Variants in XKR5 observed in about 807,000 individuals in gnomAD.
The protein encoded by XKR5 is XK related 5.
In XKR5, 46 loss-of-function variants were observed where a neutral mutation model predicts 40.8. The observed-to-expected ratio is 1.13, with a 90% CI of 0.89 to 1.44. The LOEUF is 1.44. Ranked by LOEUF, XKR5 falls within the 40% of genes most tolerant of loss-of-function variation. The probability of loss-of-function intolerance (pLI) is 0.00; values close to 1 mark genes in which losing one functional copy is unlikely to be tolerated. For synonymous variants in XKR5, 466 were observed against 356.1 expected (o/e 1.31, Z -3.48); for missense variants, 1,169 against 844.7 (o/e 1.38, Z -4.76).
At chr8:6,831,446 T>C (rs545835143) in intron 2 of XKR5, among the ~76,000 whole-genome samples, 205 of 152,288 alleles carry the variant, frequency 1.3e-3, no homozygotes, top group African/African-American at 4.7e-3. Flanking sequence ...GCTTGAAGTC[T>C]TTCTCAGAAG....
rs550037371 is a variant in XKR5 at position 6,821,766 on chromosome 8, G to C, written c.807+103C>G. 1.1e-5 allele frequency: 10 copies of C among 950,606 alleles called. No homozygotes were observed. The South Asian group carries it at 2.0e-4, about 19-fold the overall frequency. 58.9% of individuals were successfully genotyped at this position (950,606 alleles called of 1,614,324 possible). A position where few individuals can be genotyped will look rare whatever the true frequency, so the allele number is the denominator to read the frequency against. On this transcript the variant is annotated intron_variant, in intron 5 of 6. Coordinates refer to ENST00000618742, the MANE Select transcript of XKR5 (RefSeq NM_207411.5). Reference sequence around the variant, plus strand: ...TAAGCTATTCCTTTTCAATAGATAGGTGTGCATTGGTGCACACACACACAC... The same window carrying C: ...TAAGCTATTCCTTTTCAATAGATAGCTGTGCATTGGTGCACACACACACAC...
intron 5 of XKR5, among the ~76,000 whole-genome samples, chr8:6,816,303 T>C (rs1227815268): frequency 6.6e-6 from 1 of 152,196 alleles, no homozygotes; most frequent in Non-Finnish European, 1.5e-5. Context: ...AAATGAAAGA[T>C]AGCTGCAGAG....
chr8:6,814,400 T>C (rs2117080893), intron 6 of XKR5, among the ~76,000 whole-genome samples: 1 of 152,204 alleles, frequency 6.6e-6, no homozygotes, highest in East Asian at 1.9e-4. Context: ...TGTGTGGTAC[T>C]TTCACAACGC....
chr8:6,830,506 T>C (rs1399138570), intron 2 of XKR5, among the ~76,000 whole-genome samples: 4 of 152,196 alleles, frequency 2.6e-5, no homozygotes, highest in Non-Finnish European at 1.5e-5. Context: ...GCCTTTATGC[T>C]TGCACTGGCT....
rs1433531277 is a variant in XKR5 at position 6,823,518 on chromosome 8, C to A, written c.637+3G>T. On this transcript the variant is annotated splice_donor_region_variant and intron_variant, in intron 4 of 6. Coordinates refer to ENST00000618742, the MANE Select transcript of XKR5 (RefSeq NM_207411.5). ...AGATGACCAGATCATTAGCTCAGCTCACCTGCAACCACAAAAACCCAAAAG... is the reference window on the plus strand; with the variant it reads ...AGATGACCAGATCATTAGCTCAGCTAACCTGCAACCACAAAAACCCAAAAG... The A allele has an allele frequency of 6.3e-7, 1 of 1,579,944 alleles. No homozygotes were observed. Among genetic ancestry groups the A allele is most frequent in the Non-Finnish European group, 8.6e-7 (1 of 1,162,674 alleles).
chr8:6,828,488 G>T (rs533334586), intron 2 of XKR5, among the ~76,000 whole-genome samples: 38 of 152,274 alleles, frequency 2.5e-4, no homozygotes, highest in African/African-American at 8.7e-4. Context: ...TTTCTGAAAC[G>T]AGCTGTCTCG....
At position 6,823,606 on chromosome 8, in the gene XKR5, G is replaced by A. The variant is rs1365061892; in HGVS notation, c.552C>T (p.Leu184=). 1.3e-6 allele frequency: 2 copies of A among 1,596,352 alleles called. No homozygotes were observed. Among genetic ancestry groups the A allele is most frequent in the South Asian group, 2.3e-5 (2 of 87,690 alleles). The stretch of plus-strand genomic sequence containing the variant: ...GGGTTCCCAACATGCCCATCCTCCA[G>A]AGCTGCTGGCAGAAGAGGGCGGCCC... ...MPWAALFCQQ[L]WRMGMLGTRV... is the part of the protein sequence containing the mutation. The change falls in exon 4 of 7, where the codon CTC becomes CTT. Residue 184 remains leucine (L), a synonymous_variant. Coordinates refer to ENST00000618742, the MANE Select transcript of XKR5 (RefSeq NM_207411.5).
Position 6,808,573 on chromosome 8 carries a change from C to T in XKR5, c.*2625G>A, listed in dbSNP as rs1019422028. The T allele has an allele frequency of 6.6e-6, 1 of 152,120 alleles. No homozygotes were observed. Among genetic ancestry groups the T allele is most frequent in the Non-Finnish European group, 1.5e-5 (1 of 68,030 alleles). 9.4% of individuals were successfully genotyped at this position (152,120 alleles called of 1,614,324 possible). ...CTCTAATAAATATAGTGTATATTTT[C>T]TGATCCTTTTCATCACCGGGCAATA... On this transcript the variant is annotated 3_prime_UTR_variant, in exon 7 of 7. Transcript: ENST00000618742.
rs569898908 is a variant in XKR5 at position 6,822,429 on chromosome 8, C to T, written c.638-391G>A. Among the ~76,000 whole-genome samples the T allele has an allele frequency of 9.2e-5, 14 of 152,266 alleles. No individual in the cohort carries two copies. In the South Asian group the frequency reaches 2.9e-3, roughly 32 times the overall value. On this transcript the variant is annotated intron_variant, in intron 4 of 6. Transcript: ENST00000618742. Reference sequence around the variant, plus strand: ...ACCTCCACATGCAAAGGAAAGAACTCTATGTGGTGCAGCTTTAATTTTTAT... The same window carrying T: ...ACCTCCACATGCAAAGGAAAGAACTTTATGTGGTGCAGCTTTAATTTTTAT...
At chr8:6,824,795 C>G (rs1178118659) in intron 3 of XKR5, among the ~76,000 whole-genome samples, 2 of 152,154 alleles carry the variant, frequency 1.3e-5, no homozygotes, top group Admixed American at 1.3e-4. Context: ...AGTGCTGGGA[C>G]TACAGGTGTG....
rs776964570 is a variant in XKR5 at position 6,822,024 on chromosome 8, C to T, written c.652G>A (p.Val218Met). The change falls in exon 5 of 7, where the codon GTG becomes ATG. Residue 218 changes from valine (V) to methionine (M), a missense_variant. Val to Met is a conservative substitution (Grantham distance 21). Coordinates refer to ENST00000618742, the MANE Select transcript of XKR5 (RefSeq NM_207411.5). Reference protein sequence around the residue: ...VFVVAGAHWLVMTFWLVAQQS... With the variant: ...VFVVAGAHWLMMTFWLVAQQS... Reference sequence around the variant, plus strand: ...TGGGCGACAAGCCAGAATGTCATCACCAGCCAGTGGGCACCTGCAGAGAAG... The same window carrying T: ...TGGGCGACAAGCCAGAATGTCATCATCAGCCAGTGGGCACCTGCAGAGAAG... The T allele has an allele frequency of 4.4e-6, 7 of 1,605,284 alleles. No individual in the cohort carries two copies. The highest frequency in any genetic ancestry group is 6.0e-6 in the Non-Finnish European group (7 of 1,175,990).
chr8:6,809,417 C>G lies in XKR5; in HGVS notation c.*1781G>C, dbSNP rs1045876399. 6.6e-5 allele frequency: 10 copies of G among 152,088 alleles called. No homozygotes were observed. The highest frequency in any genetic ancestry group is 2.2e-4 in the African/African-American group (9 of 41,374). 9.4% of individuals were successfully genotyped at this position (152,088 alleles called of 1,614,324 possible). A position where few individuals can be genotyped will look rare whatever the true frequency, so the allele number is the denominator to read the frequency against. ...GATTCTCGTGCCTCAGCCTCTCGAG[C>G]AGCTGGGACTACAGGTGTGTGCCAC... On this transcript the variant is annotated 3_prime_UTR_variant, in exon 7 of 7. Transcript: ENST00000618742.
chr8:6,825,105 C>G, intron 3 of XKR5, 60 bp downstream of exon 3: 2 of 1,593,468 alleles, frequency 1.3e-6, no homozygotes, highest in Non-Finnish European at 1.7e-6. Flanking sequence ...TAAACAGGCT[C>G]ACATTCCTGT....
At chr8:6,822,933 T>C (rs554653102) in intron 4 of XKR5, among the ~76,000 whole-genome samples, 1 of 152,248 alleles carries the variant, frequency 6.6e-6, no homozygotes, top group Non-Finnish European at 1.5e-5. Flanking sequence ...ATAGACTGTA[T>C]ATTTTTATAT....
chr8:6,834,927 G>A (rs1199910786), intron 1 of XKR5, among the ~76,000 whole-genome samples: 1 of 152,144 alleles, frequency 6.6e-6, no homozygotes, highest in African/African-American at 2.4e-5. Context: ...GCGTGGATGC[G>A]GAGCCCTGTC....
Position 6,827,921 on chromosome 8 carries a change from G to A in XKR5, c.243-2572C>T, listed in dbSNP as rs200661326. Among the ~76,000 whole-genome samples, 3 of 152,070 alleles carry A rather than the reference G, an allele frequency of 2.0e-5. No individual in the cohort carries two copies. The East Asian group carries it at 5.8e-4, about 29-fold the overall frequency. ...TGTCTACAAAACAAAACAAAACAAA[G>A]AGCTGGGATAGTGGTGGGTGCCTGT... On this transcript the variant is annotated intron_variant, in intron 2 of 6. Transcript: ENST00000618742.
intron 5 of XKR5, among the ~76,000 whole-genome samples, chr8:6,819,657 C>T (rs1275111274): frequency 6.6e-6 from 1 of 152,234 alleles, no homozygotes. Context: ...GTCCACCTGT[C>T]ATCTCCGCCT....
rs1803593579 is a variant in XKR5, at chr8:6,809,676, A to G, written c.*1522T>C. The G allele has an allele frequency of 6.6e-6, 1 of 152,194 alleles. No individual in the cohort carries two copies. The highest frequency in any genetic ancestry group is 1.9e-4 in the East Asian group (1 of 5,198). The allele number at this position is 152,194 out of a possible 1,614,324, so 9.4% of individuals were successfully genotyped here. A position where few individuals can be genotyped will look rare whatever the true frequency, so the allele number is the denominator to read the frequency against. On this transcript the variant is annotated 3_prime_UTR_variant, in exon 7 of 7. Transcript: ENST00000618742. ...TTGGCTTATGTGGCTGGCCAGGAGGATGCTGATGGTCTGAGAGCTTATTGC... is the reference window on the plus strand; with the variant it reads ...TTGGCTTATGTGGCTGGCCAGGAGGGTGCTGATGGTCTGAGAGCTTATTGC...
chr8:6,814,964 A>G (rs889076122), intron 6 of XKR5, among the ~76,000 whole-genome samples: 4 of 152,128 alleles, frequency 2.6e-5, no homozygotes, highest in Non-Finnish European at 5.9e-5. Flanking sequence ...ACTTCCAGGC[A>G]CCTCTTCAGG....
Sources: allele counts gnomAD v4.1 joint callset (sites outside exome capture counted in the v4.1 genomes callset), GRCh38; gene constraint gnomAD v4.1.1; transcripts MANE v1.5; gene names NCBI Gene and HGNC (gene_info 2026-07-23, HGNC 2026-07-21).